The following CHL1 variants were observed in gnomAD, a reference collection of about 807,000 sequenced individuals.
CHL1 encodes the protein cell adhesion molecule L1 like.
CHL1 carries 96 observed loss-of-function variants against 141.9 expected under a neutral mutation model. That is an observed-to-expected ratio of 0.68 (90% CI 0.57 to 0.80). The LOEUF is 0.80. CHL1 is among the 30% of genes least tolerant of loss of function. The pLI, the probability that CHL1 is intolerant of heterozygous loss-of-function variation, is 0.00. For missense variants in CHL1, 1,820 were observed against 1,457.2 expected (o/e 1.25, Z -4.05); for synonymous variants, 613 against 502.2 (o/e 1.22, Z -2.95).
At chr3:248,190 C>T (rs1320666057) in intron 2 of CHL1, 2 of 152,044 alleles carry the variant, frequency 1.3e-5, no homozygotes, top group African/African-American at 4.8e-5. Flanking sequence ...GCATTTGTTT[C>T]AACTGGAGTT....
Position 405,635 on chromosome 3 carries a change from C to T in CHL1, c.3599C>T (p.Ala1200Val). The T allele has an allele frequency of 6.2e-7, 1 of 1,613,424 alleles. No homozygotes were observed. The highest frequency in any genetic ancestry group is 2.2e-5 in the East Asian group (1 of 44,852). The change falls in exon 28 of 28, where the codon GCC becomes GTC. Residue 1200 changes from alanine to valine, a missense_variant. Coordinates refer to ENST00000256509, the MANE Select transcript of CHL1 (RefSeq NM_006614.4). The part of the protein sequence containing the change: ...LFSEDGSFIG[A>V]YAGSKEKGSV... ...AGTGAAGATGGATCATTTATTGGTG[C>T]CTACGCTGGATCTAAGGAGAAGGGA...
intron 2 of CHL1, among the ~76,000 whole-genome samples, chr3:262,611 A>G (rs1694825484): frequency 6.6e-6 from 1 of 152,208 alleles, no homozygotes; most frequent in Non-Finnish European, 1.5e-5. Context: ...ATGCTAAGGG[A>G]TGAGGTATCA....
In CHL1 at chr3:408,023, T is replaced by C. The variant is rs1709637779; in HGVS notation, c.*2312T>C. 1.3e-5 allele frequency: 2 copies of C among 152,256 alleles called. No individual in the cohort carries two copies. Among genetic ancestry groups the C allele is most frequent in the South Asian group, 4.1e-4 (2 of 4,824 alleles). The allele number at this position is 152,256 out of a possible 1,614,324, so 9.4% of individuals were successfully genotyped here. A position where few individuals can be genotyped will look rare whatever the true frequency, so the allele number is the denominator to read the frequency against. On this transcript the variant is annotated 3_prime_UTR_variant, in exon 28 of 28. Transcript: ENST00000256509. Reference sequence around the variant, plus strand: ...CAGCACAAAAGGAATAGATCTATGATTGACCCTGATTTTAATTGTGAAATT... The same window carrying C: ...CAGCACAAAAGGAATAGATCTATGACTGACCCTGATTTTAATTGTGAAATT...
chr3:301,813 T>C (rs773440913), intron 2 of CHL1, among the ~76,000 whole-genome samples: 2 of 152,160 alleles, frequency 1.3e-5, no homozygotes, highest in Non-Finnish European at 1.5e-5. Context: ...AGTTTTGATA[T>C]ATAGGAATAC....
rs1470637742 is a variant in CHL1, at chr3:405,515, T to C, written c.3479T>C (p.Leu1160Pro). Residue 1160 changes from leucine to proline, a missense_variant, in exon 28 of 28, where the codon CTC becomes CCC. Physicochemically the swap from Leu to Pro is moderately conservative, Grantham distance 98. Transcript: ENST00000256509. ...GEYSDSDEKP[L>P]KGSLRSLNRD... ...TCTAGTGACAGTGATGAAAAGCCTC[T>C]CAAAGGAAGCCTTCGGTCCCTTAAT... is the stretch of plus-strand genomic sequence containing the variant. The C allele has an allele frequency of 6.2e-7, 1 of 1,612,710 alleles. No homozygotes were observed. Among genetic ancestry groups the C allele is most frequent in the Non-Finnish European group, 8.5e-7 (1 of 1,178,968 alleles).
rs375933522 is a variant in CHL1, at chr3:248,107, T to A, written c.-95+3415T>A. 4.6e-5 allele frequency: 7 copies of A among 152,246 alleles called. No homozygotes were observed. In the South Asian group the frequency reaches 1.2e-3, roughly 27 times the overall value. 9.4% of individuals were successfully genotyped at this position (152,246 alleles called of 1,614,324 possible). A position where few individuals can be genotyped will look rare whatever the true frequency, so the allele number is the denominator to read the frequency against. Reference sequence around the variant, plus strand: ...TCCTTAGCCAAACACCCCATTCCCTTCATCCTCTCTCAGCTGTTCTTTGGA... The same window carrying A: ...TCCTTAGCCAAACACCCCATTCCCTACATCCTCTCTCAGCTGTTCTTTGGA... On this transcript the variant is annotated intron_variant, in intron 2 of 27. Coordinates refer to ENST00000256509, the MANE Select transcript of CHL1 (RefSeq NM_006614.4).
At chr3:391,278 G>A in intron 22 of CHL1, 119 bp downstream of exon 22, 1 of 769,710 alleles carries the variant, frequency 1.3e-6, no homozygotes, top group Non-Finnish European at 2.1e-6. Flanking sequence ...CACTTTGGGA[G>A]GCCAAGGCAG....
At chr3:302,488 A>G (rs955925883) in intron 2 of CHL1, among the ~76,000 whole-genome samples, 1 of 152,140 alleles carries the variant, frequency 6.6e-6, no homozygotes, top group Non-Finnish European at 1.5e-5. Flanking sequence ...GCATTTCTCT[A>G]ATGACCAGTG....
rs1291480949 is a variant in CHL1, at chr3:326,080, A to G, written c.197+16A>G. 1 of 1,507,200 alleles carries G rather than the reference A, an allele frequency of 6.6e-7. No individual in the cohort carries two copies. Among genetic ancestry groups the G allele is most frequent in the Non-Finnish European group, 9.2e-7 (1 of 1,085,358 alleles). The allele number at this position is 1,507,200 out of a possible 1,614,324, so 93.4% of individuals were successfully genotyped here. A position where few individuals can be genotyped will look rare whatever the true frequency, so the allele number is the denominator to read the frequency against. On this transcript the variant is annotated intron_variant, in intron 4 of 27. Coordinates refer to ENST00000256509, the MANE Select transcript of CHL1 (RefSeq NM_006614.4). ...CAGAACCAACGTGAGTATTGTTTCA[A>G]ACGAAGTGGTTCTTTAAATGCGTGC...
At chr3:326,215 A>C in intron 4 of CHL1, 151 bp downstream of exon 4, 2 of 492,572 alleles carry the variant, frequency 4.1e-6, no homozygotes, top group Non-Finnish European at 7.2e-6. Flanking sequence ...CAAACAAAAA[A>C]AAAATTTGGT....
At chr3:348,865 C>T (rs549104413) in intron 9 of CHL1, among the ~76,000 whole-genome samples, 2 of 152,280 alleles carry the variant, frequency 1.3e-5, no homozygotes, top group East Asian at 3.9e-4. Context: ...CGCAGGAGCC[C>T]CATTCTCCAT....
At chr3:259,876 C>G (rs1184310727) in intron 2 of CHL1, among the ~76,000 whole-genome samples, 2 of 152,152 alleles carry the variant, frequency 1.3e-5, no homozygotes, top group South Asian at 2.1e-4. Context: ...ACTTACTTTT[C>G]TAGTGTTTCA....
chr3:366,583 T>C (rs1187180144), intron 15 of CHL1, among the ~76,000 whole-genome samples: 3 of 152,118 alleles, frequency 2.0e-5, no homozygotes, highest in African/African-American at 7.2e-5. Context: ...TCATCCTGTT[T>C]TTGCTACTGA....
At chr3:292,844 A>G (rs1330853851) in intron 2 of CHL1, among the ~76,000 whole-genome samples, 1 of 152,146 alleles carries the variant, frequency 6.6e-6, no homozygotes, top group Non-Finnish European at 1.5e-5. Flanking sequence ...ACTCACTATC[A>G]TGGACAGCAC....
chr3:298,698 TG>T (rs1424360643), intron 2 of CHL1, among the ~76,000 whole-genome samples: 1 of 152,154 alleles, frequency 6.6e-6, no homozygotes, highest in Non-Finnish European at 1.5e-5. Flanking sequence ...TGGGCTACCT[TG>T]TTTATTTCCA....
At chr3:322,671 A>ATT (rs1575065555) in intron 3 of CHL1, among the ~76,000 whole-genome samples, 1 of 124,832 alleles carries the variant, frequency 8.0e-6, no homozygotes, top group Non-Finnish European at 1.7e-5. Context: ...TATATATATA[A>ATT]TTATATATAT....
chr3:239,325 A>T (rs142978488), intron 1 of CHL1, among the ~76,000 whole-genome samples: 196 of 152,272 alleles, frequency 1.3e-3, no homozygotes, highest in African/African-American at 4.3e-3. Flanking sequence ...CAATGAGACA[A>T]CTAGAGTTCT....
intron 2 of CHL1, among the ~76,000 whole-genome samples, chr3:295,227 G>C (rs1303919482): frequency 6.6e-6 from 1 of 152,134 alleles, no homozygotes; most frequent in East Asian, 1.9e-4. Context: ...GGGCCTGTTA[G>C]AGTGATAAAA....
rs1471649538 is a variant in CHL1 at position 244,618 on chromosome 3, G to C, written c.-169G>C. 2 of 152,206 alleles carry C rather than the reference G, an allele frequency of 1.3e-5. No individual in the cohort carries two copies. The highest frequency in any genetic ancestry group is 1.5e-5 in the Non-Finnish European group (1 of 68,032). The allele number at this position is 152,206 out of a possible 1,614,324, so 9.4% of individuals were successfully genotyped here. The stretch of plus-strand genomic sequence containing the variant: ...ACTTTCTAATCTATCCCTAGGTGCT[G>C]TAAACTGCAAACCATAATCCTGTCT... On this transcript the variant is annotated 5_prime_UTR_variant, in exon 2 of 28. Transcript: ENST00000256509.
Sources: allele counts gnomAD v4.1 joint callset (sites outside exome capture counted in the v4.1 genomes callset), GRCh38; gene constraint gnomAD v4.1.1; transcripts MANE v1.5; gene names NCBI Gene and HGNC (gene_info 2026-07-23, HGNC 2026-07-21).